NEXMIF: variants seen among roughly 807,000 people sequenced by gnomAD.
The protein encoded by NEXMIF is neurite extension and migration factor.
Under a neutral mutation model 62.1 loss-of-function variants are expected in NEXMIF, and 8 were observed. The observed-to-expected ratio is 0.13, with a 90% confidence interval of 0.08 to 0.23. The LOEUF (loss-of-function observed/expected upper bound fraction) is 0.23, where lower values mean the gene tolerates loss of function less well. Among genes scored for constraint, NEXMIF ranks in the 10% least tolerant of loss-of-function variants. The pLI is 1.00. For missense variants in NEXMIF, 976 were observed against 1,113.3 expected (o/e 0.88, Z 1.75); for synonymous variants, 404 against 416.6 (o/e 0.97, Z 0.37).
chrX:74,825,073 G>C (rs1349282101), intron 1 of NEXMIF, among the ~76,000 whole-genome samples: 1 of 111,033 alleles, frequency 9.0e-6, no homozygotes, highest in African/African-American at 3.3e-5. Flanking sequence ...TTCATCTTTT[G>C]GATAATAGCT....
chrX:74,871,344 A>T (rs987019445), intron 1 of NEXMIF, among the ~76,000 whole-genome samples: 4 of 111,330 alleles, frequency 3.6e-5, no homozygotes, highest in African/African-American at 1.3e-4. Flanking sequence ...GGTCACAGAG[A>T]TCAGATGCTT....
At chrX:74,851,074 A>C (rs980440311) in intron 1 of NEXMIF, among the ~76,000 whole-genome samples, 1 of 110,505 alleles carries the variant, frequency 9.0e-6, no homozygotes, top group African/African-American at 3.3e-5. Context: ...TGAATGAAAA[A>C]AAAATACATT....
At chrX:74,768,571 G>C (rs1006159837) in intron 1 of NEXMIF, among the ~76,000 whole-genome samples, 3 of 112,381 alleles carry the variant, frequency 2.7e-5, no homozygotes, top group Admixed American at 9.4e-5. Context: ...GAAGACTGTA[G>C]CTCAACATGT....
intron 1 of NEXMIF, among the ~76,000 whole-genome samples, chrX:74,911,226 C>A (rs1351509495): frequency 9.0e-6 from 1 of 111,066 alleles, no homozygotes; most frequent in Non-Finnish European, 1.9e-5. Flanking sequence ...TTGAGACCAG[C>A]CTTGACAACA....
chrX:74,885,177 G>T (rs776895108), intron 1 of NEXMIF, among the ~76,000 whole-genome samples: 1 of 110,861 alleles, frequency 9.0e-6, no homozygotes, highest in Non-Finnish European at 1.9e-5. Flanking sequence ...AGCACTAAAT[G>T]CCCACAAGAG....
At chrX:74,810,397 T>C (rs2080356800) in intron 1 of NEXMIF, among the ~76,000 whole-genome samples, 1 of 111,354 alleles carries the variant, frequency 9.0e-6, no homozygotes, top group Non-Finnish European at 1.9e-5. Context: ...AGCTACACAA[T>C]GTGGTCTACC....
At chrX:74,788,077 T>C (rs1007737819) in intron 1 of NEXMIF, among the ~76,000 whole-genome samples, 8 of 111,707 alleles carry the variant, frequency 7.2e-5, no homozygotes, top group African/African-American at 1.3e-4. Flanking sequence ...ACTTGGTAAA[T>C]TGAAATAATG....
At chrX:74,886,698 C>G (rs996620543) in intron 1 of NEXMIF, among the ~76,000 whole-genome samples, 1 of 110,541 alleles carries the variant, frequency 9.0e-6, no homozygotes, top group African/African-American at 3.4e-5. Flanking sequence ...TAGGAAGAAT[C>G]AATATCATGA....
chrX:74,906,172 C>A (rs1471611867), intron 1 of NEXMIF, among the ~76,000 whole-genome samples: 1 of 108,894 alleles, frequency 9.2e-6, no homozygotes, highest in Non-Finnish European at 1.9e-5. Flanking sequence ...ACTTGGGAGG[C>A]TGAGGCAGGA....
Position 74,741,519 on chromosome X carries a change from G to T in NEXMIF, c.3038C>A (p.Ser1013Tyr). 8.3e-7 allele frequency: 1 copy of T among 1,211,440 alleles called. No individual in the cohort carries two copies. Among genetic ancestry groups the T allele is most frequent in the African/African-American group, 1.7e-5 (1 of 57,750 alleles). Residue 1013 changes from serine (S) to tyrosine (Y), a missense_variant, in exon 3 of 4, where the codon TCC (serine) becomes TAC (tyrosine). Physicochemically the swap from Ser to Tyr is moderately radical, Grantham distance 144. Around this residue, in one of 5 missense-constraint regions of NEXMIF, gnomAD observed 639 missense variants for 694.5 expected, o/e 0.92. Coordinates refer to ENST00000055682, the MANE Select transcript of NEXMIF (RefSeq NM_001008537.3). ...SSNYCSLSLK[S>Y]CEKDGDDDIT... ...ATCATCATCGCCATCCTTTTCACAG[G>T]ACTTCAAGCTTAAGGAGCAATAATT...
In NEXMIF at chrX:74,918,106, T is replaced by G. The variant is rs959126451; in HGVS notation, c.-48+6777A>C. ...TAATGGCTTCCATTTCAAGCTACCATGACCATGACAGCCATACAACAAGAA... is the reference window on the plus strand; with the variant it reads ...TAATGGCTTCCATTTCAAGCTACCAGGACCATGACAGCCATACAACAAGAA... On this transcript the variant is annotated intron_variant, in intron 1 of 3. Transcript: ENST00000055682. 3.6e-5 allele frequency among the ~76,000 whole-genome samples: 4 copies of G among 111,897 alleles called. No individual in the cohort carries two copies. The Admixed American group carries it at 3.8e-4, about 11-fold the overall frequency.
chrX:74,848,004 C>T lies in NEXMIF; in HGVS notation c.-48+76879G>A, dbSNP rs183881405. Among the ~76,000 whole-genome samples, 6 of 110,713 alleles carry T rather than the reference C, an allele frequency of 5.4e-5. No homozygotes were observed. The East Asian group carries it at 1.4e-3, about 26-fold the overall frequency. ...ATCAATTCTAAGGCACAATTATTTA[C>T]TTGCCTTATAATCACTGACATACAG... On this transcript the variant is annotated intron_variant, in intron 1 of 3. Coordinates refer to ENST00000055682, the MANE Select transcript of NEXMIF (RefSeq NM_001008537.3).
chrX:74,768,274 C>A (rs1308572585), intron 1 of NEXMIF, among the ~76,000 whole-genome samples: 1 of 111,713 alleles, frequency 9.0e-6, no homozygotes. Flanking sequence ...GGTCATCCTG[C>A]CTTGATTTTC....
intron 1 of NEXMIF, among the ~76,000 whole-genome samples, chrX:74,832,133 G>A (rs2080439771): frequency 8.9e-6 from 1 of 111,752 alleles, no homozygotes; most frequent in African/African-American, 3.2e-5. Context: ...CACAGAATGA[G>A]TTTCCCTCCT....
intron 1 of NEXMIF, among the ~76,000 whole-genome samples, chrX:74,799,371 C>A (rs913142878): frequency 1.1e-4 from 12 of 111,132 alleles, no homozygotes; most frequent in African/African-American, 2.9e-4. Context: ...AGCTTATGAT[C>A]CCAATTTGTG....
At chrX:74,812,975 T>C (rs1356757016) in intron 1 of NEXMIF, among the ~76,000 whole-genome samples, 1 of 111,951 alleles carries the variant, frequency 8.9e-6, no homozygotes, top group African/African-American at 3.2e-5. Context: ...AGAGTAACAT[T>C]GACTGCTTTT....
In NEXMIF at chrX:74,741,636, A is replaced by T. The variant is rs998583931; in HGVS notation, c.2921T>A (p.Ile974Asn). Residue 974 changes from isoleucine to asparagine, a missense_variant, in exon 3 of 4, where the codon ATC becomes AAC. Physicochemically the swap from Ile to Asn is moderately radical, Grantham distance 149. This residue lies in a region of NEXMIF where 639 missense variants were observed against 694.5 expected (regional missense o/e 0.92). Coordinates refer to ENST00000055682, the MANE Select transcript of NEXMIF (RefSeq NM_001008537.3). ...YQLCHFNNGE[I>N]CFPFQQGPVN... ...TGGCCCCTGCTGGAAAGGAAAGCAG[A>T]TCTCTCCATTATTAAAGTGACATAA... is the stretch of plus-strand genomic sequence containing the variant. 1.7e-6 allele frequency: 2 copies of T among 1,209,867 alleles called. No individual in the cohort carries two copies. The highest frequency in any genetic ancestry group is 2.2e-6 in the Non-Finnish European group (2 of 894,875).
At chrX:74,881,847 G>T (rs2080665765) in intron 1 of NEXMIF, among the ~76,000 whole-genome samples, 1 of 111,871 alleles carries the variant, frequency 8.9e-6, no homozygotes, top group Non-Finnish European at 1.9e-5. Context: ...CAAGGAGGAG[G>T]TTATGGGTTT....
chrX:74,792,023 A>T (rs1274704675), intron 1 of NEXMIF, among the ~76,000 whole-genome samples: 1 of 108,378 alleles, frequency 9.2e-6, no homozygotes, highest in South Asian at 4.0e-4. Context: ...CTAGCTTTTG[A>T]ATGTGTTTGC....
Sources: gnomAD v4.1 joint callset for allele counts (sites outside exome capture counted in the v4.1 genomes callset) on GRCh38, gnomAD v4.1.1 for gene constraint, gnomAD v4.1.1 regional missense constraint, MANE v1.5 for transcripts, NCBI Gene and HGNC (gene_info 2026-07-23, HGNC 2026-07-21) for gene names.